The following KIF1B variants were observed in gnomAD, a reference collection of about 807,000 sequenced individuals.
KIF1B encodes the protein kinesin-like protein KIF1B.
A neutral mutation model predicts 241.9 loss-of-function variants in KIF1B; 76 were observed. The observed-to-expected ratio is 0.31, with a 90% confidence interval of 0.26 to 0.38. The LOEUF (loss-of-function observed/expected upper bound fraction) is 0.38, where lower values mean the gene tolerates loss of function less well. KIF1B is among the 10% of genes least tolerant of loss of function. The probability of loss-of-function intolerance (pLI) is 1.00; values close to 1 mark genes in which losing one functional copy is unlikely to be tolerated. For missense variants in KIF1B, 1,622 were observed against 2,271.4 expected (o/e 0.71, Z 5.81); for synonymous variants, 750 against 796.7 (o/e 0.94, Z 0.99).
chr1:10,258,000 A>G (rs981036463), intron 3 of KIF1B, among the ~76,000 whole-genome samples: 3 of 152,194 alleles, frequency 2.0e-5, no homozygotes, highest in South Asian at 2.1e-4. Context: ...GTTTTAAACT[A>G]TTGACAAAGC....
rs1161614746 is a variant in KIF1B, at chr1:10,378,972, G to T, written c.*2385G>T. 4.3e-5 allele frequency: 10 copies of T among 232,568 alleles called. No individual in the cohort carries two copies. Among genetic ancestry groups the T allele is most frequent in the Admixed American group, 2.2e-4 (4 of 17,828 alleles). 14.4% of individuals were successfully genotyped at this position (232,568 alleles called of 1,614,324 possible). On this transcript the variant is annotated 3_prime_UTR_variant, in exon 49 of 49. Transcript: ENST00000676179. ...TATGTGAGATTTTCTAATGTAGTTA[G>T]AAGTTTCATTGTCTGATGGACACAA...
intron 29 of KIF1B, 87 bp downstream of exon 29, chr1:10,336,829 A>C (rs764100015): frequency 2.0e-5 from 26 of 1,296,244 alleles, no homozygotes; most frequent in Non-Finnish European, 3.4e-6. Flanking sequence ...AAAACTGAAA[A>C]ATACAGGGTG....
intron 37 of KIF1B, among the ~76,000 whole-genome samples, chr1:10,351,814 A>G (rs1481324603): frequency 6.6e-6 from 1 of 152,162 alleles, no homozygotes; most frequent in Admixed American, 6.5e-5. Flanking sequence ...AAAAAATAAA[A>G]TAAAATAAAA....
chr1:10,274,396 C>T (rs981163317), intron 10 of KIF1B, among the ~76,000 whole-genome samples: 5 of 151,734 alleles, frequency 3.3e-5, no homozygotes, highest in African/African-American at 7.3e-5. Context: ...TTTGCTTTGT[C>T]CTGTGGTAAT....
chr1:10,360,684 CAAA>C (rs754892826), intron 38 of KIF1B, among the ~76,000 whole-genome samples: 6 of 64,496 alleles, frequency 9.3e-5, no homozygotes, highest in Non-Finnish European at 9.6e-5. Flanking sequence ...AATTCTGTCT[CAAA>C]AAAAAAAAAA....
At position 10,258,249 on chromosome 1, in the gene KIF1B, A is replaced by G. The variant is rs553387433; in HGVS notation, c.184-244A>G. On this transcript the variant is annotated intron_variant, in intron 3 of 48. Coordinates refer to ENST00000676179, the MANE Select transcript of KIF1B (RefSeq NM_001365951.3). Reference sequence around the variant, plus strand: ...ATGTAATCATGCCAGATAATTTTATATAGATATTTTTATGTATGGCTGACC... The same window carrying G: ...ATGTAATCATGCCAGATAATTTTATGTAGATATTTTTATGTATGGCTGACC... Among the ~76,000 whole-genome samples, 4 of 152,298 alleles carry G rather than the reference A, an allele frequency of 2.6e-5. No homozygotes were observed. The South Asian group carries it at 8.3e-4, about 32-fold the overall frequency.
intron 1 of KIF1B, among the ~76,000 whole-genome samples, chr1:10,231,816 C>G (rs12751375): frequency 0.24 from 36,614 of 151,880 alleles, 5,023 homozygotes; most frequent in Admixed American, 0.31. Flanking sequence ...GAAACACACA[C>G]AGAGAGAGAG....
intron 43 of KIF1B, among the ~76,000 whole-genome samples, chr1:10,367,310 G>C (rs188510099): frequency 6.6e-6 from 1 of 151,348 alleles, no homozygotes; most frequent in Non-Finnish European, 1.5e-5. Flanking sequence ...TGGCCAGGCT[G>C]GTCTTGAACT....
intron 1 of KIF1B, among the ~76,000 whole-genome samples, chr1:10,224,111 C>G (rs115235208): frequency 6.6e-6 from 1 of 151,794 alleles, no homozygotes; most frequent in Admixed American, 6.6e-5. Context: ...CAGCCCTGAC[C>G]GTGGTTTTTG....
At position 10,242,806 on chromosome 1, in the gene KIF1B, C is replaced by T. The variant is rs114771330; in HGVS notation, c.106+10372C>T. Among the ~76,000 whole-genome samples, 328 of 152,260 alleles carry T rather than the reference C, an allele frequency of 2.2e-3. 1 individual carries two copies. The highest frequency in any genetic ancestry group is 7.5e-3 in the African/African-American group (311 of 41,544). On this transcript the variant is annotated intron_variant, in intron 2 of 48. Transcript: ENST00000676179. The stretch of plus-strand genomic sequence containing the variant: ...CTGGGATTACAGGCGTGAACCACTG[C>T]GCCTGGCCTATTAATATAATCTTAT...
chr1:10,291,028 G>C lies in KIF1B; in HGVS notation c.1435-54G>C. On this transcript the variant is annotated intron_variant, in intron 15 of 48. Transcript: ENST00000676179. ...ATTTGCTTCTTGCTTTTCTAGCATG[G>C]TATGTTAAATTATAAGACTCTTTGC... The C allele has an allele frequency of 6.6e-6, 9 of 1,363,698 alleles. No individual in the cohort carries two copies. In the South Asian group the frequency reaches 9.4e-5, roughly 14 times the overall value. The allele number at this position is 1,363,698 out of a possible 1,614,324, so 84.5% of individuals were successfully genotyped here. A position where few individuals can be genotyped will look rare whatever the true frequency, so the allele number is the denominator to read the frequency against.
At chr1:10,347,905 T>C in intron 36 of KIF1B, 78 bp downstream of exon 36, 3 of 1,265,932 alleles carry the variant, frequency 2.4e-6, no homozygotes, top group South Asian at 2.4e-5. Flanking sequence ...TTCTTTCTTA[T>C]TCTCTGTTTT....
At chr1:10,305,740 A>T (rs1394395730) in intron 22 of KIF1B, 1 of 1,056,582 alleles carries the variant, frequency 9.5e-7, no homozygotes, top group Admixed American at 5.4e-5. Flanking sequence ...ACCTCATTTT[A>T]TTTGGTTGTG....
intron 44 of KIF1B, 56 bp from the exon 45 acceptor site, chr1:10,371,085 T>A (rs1249831252): frequency 6.2e-7 from 1 of 1,612,492 alleles, no homozygotes. Context: ...CTATTGTTAC[T>A]GTAGAGGCAG....
At chr1:10,248,139 GA>G (rs1463785914) in intron 2 of KIF1B, among the ~76,000 whole-genome samples, 1 of 152,112 alleles carries the variant, frequency 6.6e-6, no homozygotes, top group Non-Finnish European at 1.5e-5. Flanking sequence ...ATGTCTTCTA[GA>G]AATATTTTTA....
chr1:10,324,086 G>T (rs1651627950), intron 25 of KIF1B, 24 bp downstream of exon 25: 4 of 1,611,928 alleles, frequency 2.5e-6, no homozygotes, highest in Non-Finnish European at 3.4e-6. Flanking sequence ...CATAAAGGCT[G>T]GTTGTTTTAT....
intron 15 of KIF1B, among the ~76,000 whole-genome samples, 176 bp downstream of exon 15, chr1:10,282,709 G>A (rs184131870): frequency 1.3e-4 from 19 of 151,978 alleles, no homozygotes; most frequent in Non-Finnish European, 2.5e-4. Context: ...TAGAATGCCT[G>A]AGTCTGACAT....
intron 28 of KIF1B, among the ~76,000 whole-genome samples, chr1:10,335,283 C>T (rs1264765864): frequency 6.6e-6 from 1 of 152,058 alleles, no homozygotes; most frequent in Non-Finnish European, 1.5e-5. Context: ...GACGGAGTGT[C>T]GCTCTATTGC....
At chr1:10,258,775 T>A (rs1647944075) in intron 4 of KIF1B, 103 bp downstream of exon 4, 1 of 1,170,968 alleles carries the variant, frequency 8.5e-7, no homozygotes, top group African/African-American at 1.5e-5. Context: ...GCGGGGATTG[T>A]TTTATGTCAG....
Sources: allele counts gnomAD v4.1 joint callset (sites outside exome capture counted in the v4.1 genomes callset), GRCh38; gene constraint gnomAD v4.1.1; transcripts MANE v1.5; gene names NCBI Gene and HGNC (gene_info 2026-07-23, HGNC 2026-07-21).